DNAJC10: variants seen among roughly 807,000 people sequenced by gnomAD.
DNAJC10 encodes the protein endoplasmic reticulum disulfide reductase DNAJC10.
In DNAJC10, 101 loss-of-function variants were observed where a neutral mutation model predicts 115.0. The observed-to-expected ratio is 0.88, with a 90% CI of 0.75 to 1.04. DNAJC10 has a LOEUF of 1.04. DNAJC10 is among the 50% of genes least tolerant of loss of function. The pLI is 0.00. For synonymous variants in DNAJC10, 307 were observed against 301.5 expected, an observed-to-expected ratio of 1.02 and a Z score of -0.19; for missense variants, 981 against 928.8, an observed-to-expected ratio of 1.06 and a Z score of -0.73.
chr2:182,759,454 G>A (rs1328367641), intron 21 of DNAJC10, 147 bp downstream of exon 21: 3 of 740,012 alleles, frequency 4.1e-6, no homozygotes, highest in Non-Finnish European at 6.3e-6. Flanking sequence ...TGACTGTAAT[G>A]GTTGTAGTAG....
rs1695053245 is a variant in DNAJC10 at position 182,791,719 on chromosome 2, T to C, written c.*14587T>C. On this transcript the variant is annotated 3_prime_UTR_variant, in exon 24 of 24. Transcript: ENST00000264065. ...TGGGCATACAAACTGTATACAACAT[T>C]TTATAACACTCTAATGTGGATAAGA... The C allele has an allele frequency of 6.6e-6, 1 of 152,178 alleles. No homozygotes were observed. The highest frequency in any genetic ancestry group is 1.5e-5 in the Non-Finnish European group (1 of 68,026). 9.4% of individuals were successfully genotyped at this position (152,178 alleles called of 1,614,324 possible).
intron 22 of DNAJC10, among the ~76,000 whole-genome samples, chr2:182,765,855 A>C (rs190062468): frequency 1.3e-3 from 203 of 152,372 alleles, no homozygotes; most frequent in Non-Finnish European, 2.6e-3. Flanking sequence ...GCACTAAGCT[A>C]GCAAGGTCTA....
chr2:182,723,619 G>C (rs1693210177), intron 5 of DNAJC10, among the ~76,000 whole-genome samples: 1 of 152,088 alleles, frequency 6.6e-6, no homozygotes, highest in African/African-American at 2.4e-5. Context: ...GGTTTTTATT[G>C]TCTCTCATCT....
At position 182,783,481 on chromosome 2, in the gene DNAJC10, A is replaced by G. The variant is rs1022231427; in HGVS notation, c.*6349A>G. The G allele has an allele frequency of 1.3e-5, 2 of 152,186 alleles. No individual in the cohort carries two copies. The highest frequency in any genetic ancestry group is 2.9e-5 in the Non-Finnish European group (2 of 68,016). The allele number at this position is 152,186 out of a possible 1,614,324, so 9.4% of individuals were successfully genotyped here. A position where few individuals can be genotyped will look rare whatever the true frequency, so the allele number is the denominator to read the frequency against. Reference sequence around the variant, plus strand: ...GCCACTGCCAACTGAAAGTAATAAAATGAAACAATTTGTTGGCTTTAATGT... The same window carrying G: ...GCCACTGCCAACTGAAAGTAATAAAGTGAAACAATTTGTTGGCTTTAATGT... On this transcript the variant is annotated 3_prime_UTR_variant, in exon 24 of 24. Coordinates refer to ENST00000264065, the MANE Select transcript of DNAJC10 (RefSeq NM_018981.4).
rs1694818003 is a variant in DNAJC10, at chr2:182,780,387, T to G, written c.*3255T>G. ...CACCACCTCCTCTCTTTCTCGCTCC[T>G]TCTCTGTGTGACATGCCTTCTCCCC... On this transcript the variant is annotated 3_prime_UTR_variant, in exon 24 of 24. Transcript: ENST00000264065. 6.6e-6 allele frequency: 1 copy of G among 152,220 alleles called. No homozygotes were observed. Among genetic ancestry groups the G allele is most frequent in the Non-Finnish European group, 1.5e-5 (1 of 68,102 alleles). The allele number at this position is 152,220 out of a possible 1,614,324, so 9.4% of individuals were successfully genotyped here. A position where few individuals can be genotyped will look rare whatever the true frequency, so the allele number is the denominator to read the frequency against.
Position 182,780,990 on chromosome 2 carries a change from C to T in DNAJC10, c.*3858C>T, listed in dbSNP as rs1694832085. Reference sequence around the variant, plus strand: ...CTGCTGTTTTTTTTTTTTAATACTTCAAGTTCTGCAATACATGTGCAGAAC... The same window carrying T: ...CTGCTGTTTTTTTTTTTTAATACTTTAAGTTCTGCAATACATGTGCAGAAC... On this transcript the variant is annotated 3_prime_UTR_variant, in exon 24 of 24. Coordinates refer to ENST00000264065, the MANE Select transcript of DNAJC10 (RefSeq NM_018981.4). 6.6e-6 allele frequency: 1 copy of T among 151,476 alleles called. No individual in the cohort carries two copies. Among genetic ancestry groups the T allele is most frequent in the East Asian group, 1.9e-4 (1 of 5,148 alleles). 9.4% of individuals were successfully genotyped at this position (151,476 alleles called of 1,614,324 possible).
chr2:182,720,245 G>A (rs913502060), intron 4 of DNAJC10, 76 bp downstream of exon 4: 36 of 1,240,112 alleles, frequency 2.9e-5, no homozygotes, highest in Non-Finnish European at 1.2e-5. Flanking sequence ...TCACCACTTA[G>A]CTTATATATT....
At chr2:182,745,718 T>C (rs1693845318) in intron 14 of DNAJC10, among the ~76,000 whole-genome samples, 1 of 151,976 alleles carries the variant, frequency 6.6e-6, no homozygotes, top group South Asian at 2.1e-4. Flanking sequence ...GACAAGTTTT[T>C]TTTTTATTTG....
rs899951099 is a variant in DNAJC10 at position 182,793,293 on chromosome 2, G to A, written c.*16161G>A. On this transcript the variant is annotated 3_prime_UTR_variant, in exon 24 of 24. Transcript: ENST00000264065. The stretch of plus-strand genomic sequence containing the variant: ...GGGGAGCCAGATCATAGAGGGCTTT[G>A]CAGGTCACTTGTAAGGACTTTAGCT... The A allele has an allele frequency of 3.3e-5, 5 of 152,214 alleles. No individual in the cohort carries two copies. The highest frequency in any genetic ancestry group is 9.7e-5 in the African/African-American group (4 of 41,448). The allele number at this position is 152,214 out of a possible 1,614,324, so 9.4% of individuals were successfully genotyped here. A position where few individuals can be genotyped will look rare whatever the true frequency, so the allele number is the denominator to read the frequency against.
At position 182,778,684 on chromosome 2, in the gene DNAJC10, G is replaced by A. The variant is rs1005489384; in HGVS notation, c.*1552G>A. 1 of 152,074 alleles carries A rather than the reference G, an allele frequency of 6.6e-6. No homozygotes were observed. Among genetic ancestry groups the A allele is most frequent in the South Asian group, 2.1e-4 (1 of 4,824 alleles). 9.4% of individuals were successfully genotyped at this position (152,074 alleles called of 1,614,324 possible). A position where few individuals can be genotyped will look rare whatever the true frequency, so the allele number is the denominator to read the frequency against. On this transcript the variant is annotated 3_prime_UTR_variant, in exon 24 of 24. Transcript: ENST00000264065. ...CATCTTTTTCGCTACTATATACTCTGTCTGGATTCTGCTGTATGCCTGTTG... is the reference window on the plus strand; with the variant it reads ...CATCTTTTTCGCTACTATATACTCTATCTGGATTCTGCTGTATGCCTGTTG...
At position 182,782,194 on chromosome 2, in the gene DNAJC10, T is replaced by G. The variant is rs1694862921; in HGVS notation, c.*5062T>G. 1 of 152,216 alleles carries G rather than the reference T, an allele frequency of 6.6e-6. No homozygotes were observed. The highest frequency in any genetic ancestry group is 2.4e-5 in the African/African-American group (1 of 41,458). The allele number at this position is 152,216 out of a possible 1,614,324, so 9.4% of individuals were successfully genotyped here. ...AGCCTGTTTTCCCAACATCATTTATTAAATAGGGAATCCTTTCCCCATTGC... is the reference window on the plus strand; with the variant it reads ...AGCCTGTTTTCCCAACATCATTTATGAAATAGGGAATCCTTTCCCCATTGC... On this transcript the variant is annotated 3_prime_UTR_variant, in exon 24 of 24. Transcript: ENST00000264065.
intron 21 of DNAJC10, among the ~76,000 whole-genome samples, chr2:182,760,836 TTTG>T (rs1694269182): frequency 6.6e-6 from 1 of 152,164 alleles, no homozygotes; most frequent in Non-Finnish European, 1.5e-5. Context: ...AAAGATTATT[TTTG>T]TTATTAGCTG....
intron 18 of DNAJC10, among the ~76,000 whole-genome samples, 161 bp downstream of exon 18, chr2:182,756,630 G>T (rs539956777): frequency 6.6e-6 from 1 of 152,052 alleles, no homozygotes; most frequent in South Asian, 2.1e-4. Context: ...TGTCTGGTGT[G>T]TGAATGGTAT....
In DNAJC10 at chr2:182,788,134, T is replaced by G. The variant is rs1011310030; in HGVS notation, c.*11002T>G. 6.5e-6 allele frequency: 1 copy of G among 153,230 alleles called. No individual in the cohort carries two copies. The highest frequency in any genetic ancestry group is 2.4e-5 in the African/African-American group (1 of 41,404). 9.5% of individuals were successfully genotyped at this position (153,230 alleles called of 1,614,324 possible). On this transcript the variant is annotated 3_prime_UTR_variant, in exon 24 of 24. Coordinates refer to ENST00000264065, the MANE Select transcript of DNAJC10 (RefSeq NM_018981.4). Reference sequence around the variant, plus strand: ...AGAGAAGGGTGGCAAGAAGGGCTGTTCTGCCATCAATGAGGTGGTGACCCG... The same window carrying G: ...AGAGAAGGGTGGCAAGAAGGGCTGTGCTGCCATCAATGAGGTGGTGACCCG...
At chr2:182,742,220 T>C (rs2105647816) in intron 13 of DNAJC10, among the ~76,000 whole-genome samples, 1 of 152,332 alleles carries the variant, frequency 6.6e-6, no homozygotes, top group South Asian at 2.1e-4. Flanking sequence ...AGAGTCATTC[T>C]GTCACCCAGG....
At position 182,783,074 on chromosome 2, in the gene DNAJC10, T is replaced by A. The variant is rs560758733; in HGVS notation, c.*5942T>A. On this transcript the variant is annotated 3_prime_UTR_variant, in exon 24 of 24. Transcript: ENST00000264065. Reference sequence around the variant, plus strand: ...AAATAGCTCTTATTATTTTGAGATATGTTCCATCATATCTAGTTTTTTGAG... The same window carrying A: ...AAATAGCTCTTATTATTTTGAGATAAGTTCCATCATATCTAGTTTTTTGAG... The A allele has an allele frequency of 4.2e-4, 64 of 152,332 alleles. No homozygotes were observed. The highest frequency in any genetic ancestry group is 7.8e-4 in the Admixed American group (12 of 15,292). The allele number at this position is 152,332 out of a possible 1,614,324, so 9.4% of individuals were successfully genotyped here. A position where few individuals can be genotyped will look rare whatever the true frequency, so the allele number is the denominator to read the frequency against.
At chr2:182,753,923 C>CAT (rs1217646077) in intron 16 of DNAJC10, among the ~76,000 whole-genome samples, 1 of 152,066 alleles carries the variant, frequency 6.6e-6, no homozygotes, top group Admixed American at 6.6e-5. Flanking sequence ...GCTCATTAAA[C>CAT]ATATGTGAGT....
At chr2:182,738,263 G>A (rs879891315) in intron 11 of DNAJC10, among the ~76,000 whole-genome samples, 203 of 152,246 alleles carry the variant, frequency 1.3e-3, no homozygotes, top group Non-Finnish European at 2.6e-3. Context: ...TAGAATGGGA[G>A]CATTGTGGCC....
intron 16 of DNAJC10, among the ~76,000 whole-genome samples, chr2:182,753,727 C>T (rs551512218): frequency 6.2e-4 from 94 of 151,748 alleles, no homozygotes; most frequent in African/African-American, 2.2e-3. Context: ...GGATTACAGG[C>T]ACCCGCCACC....
Sources: gnomAD v4.1 joint callset for allele counts (sites outside exome capture counted in the v4.1 genomes callset) on GRCh38, gnomAD v4.1.1 for gene constraint, MANE v1.5 for transcripts, NCBI Gene and HGNC (gene_info 2026-07-23, HGNC 2026-07-21) for gene names.